Variants in BIRC6 observed in about 807,000 individuals in gnomAD.
BIRC6 encodes baculoviral IAP repeat containing 6.
Under a neutral mutation model 503.3 loss-of-function variants are expected in BIRC6, and 98 were observed. The observed-to-expected ratio is 0.19, with a 90% confidence interval of 0.17 to 0.23. BIRC6 has a LOEUF of 0.23. Ranked by LOEUF, BIRC6 falls within the 10% of genes least tolerant of loss-of-function variation. The pLI is 1.00. For synonymous variants in BIRC6, 2,240 were observed against 2,078.7 expected, an observed-to-expected ratio of 1.08 and a Z score of -2.11; for missense variants, 5,360 against 5,806.0, an observed-to-expected ratio of 0.92 and a Z score of 2.50.
At chr2:32,568,546 A>G (rs2059694583) in intron 65 of BIRC6, among the ~76,000 whole-genome samples, 1 of 150,608 alleles carries the variant, frequency 6.6e-6, no homozygotes, top group Non-Finnish European at 1.5e-5. Context: ...GTTATTTTTT[A>G]GAAGTTCACC....
At chr2:32,585,118 GAA>G in intron 66 of BIRC6, among the ~76,000 whole-genome samples, 1 of 152,042 alleles carries the variant, frequency 6.6e-6, no homozygotes, top group East Asian at 1.9e-4. Context: ...GACCAAGACA[GAA>G]AAAGAGACTT....
At chr2:32,549,285 A>T (rs2058277090) in intron 64 of BIRC6, 28 bp from the exon 65 acceptor site, 1 of 1,390,406 alleles carries the variant, frequency 7.2e-7, no homozygotes, top group African/African-American at 1.4e-5. Flanking sequence ...GTGAAACTGA[A>T]ATCCAAATTA....
At chr2:32,379,882 T>G (rs2037372293) in intron 2 of BIRC6, among the ~76,000 whole-genome samples, 3 of 152,050 alleles carry the variant, frequency 2.0e-5, no homozygotes, top group Non-Finnish European at 1.5e-5. Context: ...TTGTCCATTT[T>G]TCTATCTTGA....
intron 65 of BIRC6, among the ~76,000 whole-genome samples, chr2:32,574,031 A>G (rs1193012600): frequency 6.6e-6 from 1 of 152,154 alleles, no homozygotes; most frequent in Non-Finnish European, 1.5e-5. Flanking sequence ...TATAGTTTGT[A>G]TATTGGTGCT....
At chr2:32,510,741 G>A in intron 53 of BIRC6, 107 bp downstream of exon 53, 1 of 742,242 alleles carries the variant, frequency 1.3e-6, no homozygotes, top group Middle Eastern at 2.4e-4. Flanking sequence ...AGACAATACT[G>A]TGATATATTG....
intron 66 of BIRC6, among the ~76,000 whole-genome samples, chr2:32,585,663 A>G (rs1000611097): frequency 1.4e-4 from 22 of 152,214 alleles, no homozygotes; most frequent in African/African-American, 5.1e-4. Context: ...TACAGGTGTG[A>G]GCCACCGTGC....
chr2:32,362,462 C>T (rs1194720455), intron 1 of BIRC6, among the ~76,000 whole-genome samples: 1 of 151,624 alleles, frequency 6.6e-6, no homozygotes, highest in Non-Finnish European at 1.5e-5. Context: ...ACTACAGGTG[C>T]CCCCCACCAG....
rs574408469 is a variant in BIRC6 at position 32,607,140 on chromosome 2, A to AT, written c.14071-308dup. On this transcript the variant is annotated intron_variant, in intron 71 of 73. Transcript: ENST00000421745. ...AAATAAACTAAACTAAAAAAACGAA[A>AT]TTTTTTTAGCATTTTTTGGAAATAG... Among the ~76,000 whole-genome samples, 793 of 151,734 alleles carry AT rather than the reference A, an allele frequency of 5.2e-3. 5 individuals are homozygous for AT. The highest frequency in any genetic ancestry group is 0.018 in the African/African-American group (748 of 41,398).
chr2:32,570,740 C>T (rs1397230569), intron 65 of BIRC6, among the ~76,000 whole-genome samples: 1 of 148,858 alleles, frequency 6.7e-6, no homozygotes. Flanking sequence ...CTCAGGTTTT[C>T]CACCCACCTT....
chr2:32,607,763 A>T, intron 72 of BIRC6, 120 bp downstream of exon 72: 1 of 717,638 alleles, frequency 1.4e-6, no homozygotes, highest in Non-Finnish European at 2.1e-6. Context: ...GGATCACTTC[A>T]GGTCAGGAGT....
chr2:32,381,931 A>C (rs1171123801), intron 3 of BIRC6, among the ~76,000 whole-genome samples: 3 of 151,280 alleles, frequency 2.0e-5, no homozygotes, highest in Non-Finnish European at 2.9e-5. Context: ...AGTTGCATTG[A>C]ATTTTTTTTT....
At chr2:32,517,321 G>A (rs1317398474) in intron 55 of BIRC6, among the ~76,000 whole-genome samples, 2 of 152,140 alleles carry the variant, frequency 1.3e-5, no homozygotes, top group Non-Finnish European at 2.9e-5. Flanking sequence ...CATCCTGGGC[G>A]ACAGAGCGAG....
At chr2:32,369,531 G>A (rs1454222867) in intron 1 of BIRC6, among the ~76,000 whole-genome samples, 2 of 150,854 alleles carry the variant, frequency 1.3e-5, no homozygotes, top group Middle Eastern at 3.2e-3. Flanking sequence ...GGGTTCAAGC[G>A]TTTCTTCTGC....
At chr2:32,615,992 A>T (rs776214350) in intron 73 of BIRC6, among the ~76,000 whole-genome samples, 60 of 152,252 alleles carry the variant, frequency 3.9e-4, no homozygotes, top group Non-Finnish European at 6.5e-4. Context: ...TCACCAGAAA[A>T]TTATGAACCA....
Position 32,494,461 on chromosome 2 carries a change from C to T in BIRC6, c.8468+794C>T, listed in dbSNP as rs974514203. ...CAGGGTGGTCTCGATCTCCTGACCT[C>T]GTGATCCGCCCGCCTCAGCCTCCCA... is the stretch of plus-strand genomic sequence containing the variant. On this transcript the variant is annotated intron_variant, in intron 45 of 73. Coordinates refer to ENST00000421745, the MANE Select transcript of BIRC6 (RefSeq NM_016252.4). 9.9e-5 allele frequency among the ~76,000 whole-genome samples: 15 copies of T among 151,282 alleles called. No homozygotes were observed. The South Asian group carries it at 1.5e-3, about 15-fold the overall frequency.
intron 9 of BIRC6, among the ~76,000 whole-genome samples, chr2:32,413,767 A>G (rs1419590650): frequency 1.3e-5 from 2 of 151,918 alleles, no homozygotes; most frequent in African/African-American, 4.8e-5. Flanking sequence ...CCCTCTCTAG[A>G]TACCAAAACC....
intron 5 of BIRC6, 52 bp downstream of exon 5, chr2:32,392,202 C>T: frequency 1.6e-6 from 2 of 1,233,414 alleles, no homozygotes; most frequent in Non-Finnish European, 2.3e-6. Context: ...TTGTAGCCCT[C>T]AGCAAAATTA....
intron 23 of BIRC6, among the ~76,000 whole-genome samples, chr2:32,458,903 TG>T (rs1329850344): frequency 6.6e-5 from 10 of 151,950 alleles, no homozygotes. Flanking sequence ...TTGGCTCAGC[TG>T]GTCTTGAATC....
At chr2:32,417,843 A>C (rs1391137296) in intron 10 of BIRC6, among the ~76,000 whole-genome samples, 1 of 152,082 alleles carries the variant, frequency 6.6e-6, no homozygotes, top group Admixed American at 6.6e-5. Flanking sequence ...GCAGTTACGC[A>C]ATCTTGGCTC....
Sources: gnomAD v4.1 joint callset for allele counts (sites outside exome capture counted in the v4.1 genomes callset) on GRCh38, gnomAD v4.1.1 for gene constraint, MANE v1.5 for transcripts, NCBI Gene and HGNC (gene_info 2026-07-23, HGNC 2026-07-21) for gene names.